CD48: variants seen among roughly 807,000 people sequenced by gnomAD.
CD48 encodes CD48 antigen.
A neutral mutation model predicts 22.0 loss-of-function variants in CD48; 20 were observed. That is an observed-to-expected ratio of 0.91 (90% CI 0.64 to 1.32). The LOEUF (loss-of-function observed/expected upper bound fraction) is 1.32. CD48 is among the 40% of genes most tolerant of loss of function. The pLI is 0.00. For synonymous variants in CD48, 110 were observed against 110.1 expected, an observed-to-expected ratio of 1.00 and a Z score of 0.01; for missense variants, 307 against 286.5, an observed-to-expected ratio of 1.07 and a Z score of -0.52.
intron 2 of CD48, among the ~76,000 whole-genome samples, chr1:160,682,457 C>CAAAAA (rs71579678): frequency 1.9e-5 from 1 of 53,274 alleles, no homozygotes. Flanking sequence ...AGAAGACCTT[C>CAAAAA]AAAAAAAAAA....
chr1:160,699,448 T>A (rs1027742504), intron 1 of CD48: 1 of 153,218 alleles, frequency 6.5e-6, no homozygotes, highest in African/African-American at 2.4e-5. Context: ...GACCTGACCA[T>A]CCCCCAGACC....
intron 1 of CD48, among the ~76,000 whole-genome samples, chr1:160,706,839 C>T (rs1662810179): frequency 6.6e-6 from 1 of 152,234 alleles, no homozygotes; most frequent in Non-Finnish European, 1.5e-5. Flanking sequence ...ATCCCAGGAC[C>T]ATAGAGTCTC....
intron 1 of CD48, among the ~76,000 whole-genome samples, chr1:160,688,613 A>T (rs1398691449): frequency 1.3e-5 from 2 of 152,224 alleles, no homozygotes; most frequent in East Asian, 3.8e-4. Context: ...AGAGTGGGAC[A>T]GTAGTGGGAA....
At position 160,684,659 on chromosome 1, in the gene CD48, C is replaced by G. The variant is rs1226136180; in HGVS notation, c.385+228G>C. 4.5e-6 allele frequency: 6 copies of G among 1,347,436 alleles called. No individual in the cohort carries two copies. The Admixed American group carries it at 1.7e-4, about 38-fold the overall frequency. The allele number at this position is 1,347,436 out of a possible 1,614,324, so 83.5% of individuals were successfully genotyped here. On this transcript the variant is annotated intron_variant, in intron 2 of 3. Transcript: ENST00000368046. ...GTTTTCCTTCTCTTCAAAGCTTAGACTCACTAACTTCAGAAGAGGTGTTAA... is the reference window on the plus strand; with the variant it reads ...GTTTTCCTTCTCTTCAAAGCTTAGAGTCACTAACTTCAGAAGAGGTGTTAA...
intron 1 of CD48, among the ~76,000 whole-genome samples, chr1:160,686,258 G>A (rs566199674): frequency 6.6e-6 from 1 of 152,170 alleles, no homozygotes; most frequent in South Asian, 2.1e-4. Flanking sequence ...GGGAGAATGG[G>A]ACTGATAGAC....
chr1:160,706,752 T>A (rs78819120), intron 1 of CD48, among the ~76,000 whole-genome samples: 7 of 152,140 alleles, frequency 4.6e-5, no homozygotes, highest in African/African-American at 1.7e-4. Context: ...CCAGATCCTG[T>A]CTGTGCCCGC....
chr1:160,697,595 T>C (rs1342438862), intron 1 of CD48, among the ~76,000 whole-genome samples: 1 of 149,862 alleles, frequency 6.7e-6, no homozygotes, highest in Non-Finnish European at 1.5e-5. Flanking sequence ...AAGCGGGATG[T>C]CACTCAGGCC....
intron 2 of CD48, 98 bp from the exon 3 acceptor site, chr1:160,681,566 A>C: frequency 6.9e-7 from 1 of 1,451,314 alleles, no homozygotes; most frequent in South Asian, 1.3e-5. Context: ...AAGGGGCCTG[A>C]ATGCCCCAGG....
intron 1 of CD48, among the ~76,000 whole-genome samples, chr1:160,687,203 C>T (rs548959710): frequency 5.3e-5 from 8 of 152,308 alleles, no homozygotes; most frequent in Non-Finnish European, 1.2e-4. Context: ...TCTGTTCTGC[C>T]TGGCTCACCG....
At chr1:160,692,805 AC>A (rs200966832) in intron 1 of CD48, among the ~76,000 whole-genome samples, 1 of 152,048 alleles carries the variant, frequency 6.6e-6, no homozygotes, top group Non-Finnish European at 1.5e-5. Flanking sequence ...GAGGCCAGAT[AC>A]AAGTCTTTTT....
In CD48 at chr1:160,704,722, C is replaced by CT. The variant is rs200680535; in HGVS notation, c.82+6959dup. 8.2e-3 allele frequency among the ~76,000 whole-genome samples: 1,242 copies of CT among 151,566 alleles called. 17 individuals are homozygous for CT. Among genetic ancestry groups the CT allele is most frequent in the African/African-American group, 0.028 (1,177 of 41,340 alleles). On this transcript the variant is annotated intron_variant, in intron 1 of 3. Transcript: ENST00000368046. The stretch of plus-strand genomic sequence containing the variant: ...AACCTGAACTAATTCCCTGGGATTT[C>CT]TTTTTTTTTATTCTAATTGAATTTA...
At chr1:160,704,538 G>A (rs1438412083) in intron 1 of CD48, among the ~76,000 whole-genome samples, 1 of 152,206 alleles carries the variant, frequency 6.6e-6, no homozygotes, top group Non-Finnish European at 1.5e-5. Context: ...TTGCAATCGG[G>A]CTGCAGGTGG....
chr1:160,700,343 G>A (rs1662588472), intron 1 of CD48, among the ~76,000 whole-genome samples: 1 of 152,148 alleles, frequency 6.6e-6, no homozygotes, highest in Non-Finnish European at 1.5e-5. Flanking sequence ...TGAACTTTGA[G>A]CCAATTTAAA....
chr1:160,703,693 G>T (rs544107474), intron 1 of CD48, among the ~76,000 whole-genome samples: 2 of 152,192 alleles, frequency 1.3e-5, no homozygotes, highest in African/African-American at 2.4e-5. Flanking sequence ...CTAGAATAAG[G>T]TAAGGGGAGT....
chr1:160,682,680 C>T (rs999621016), intron 2 of CD48, among the ~76,000 whole-genome samples: 2 of 152,114 alleles, frequency 1.3e-5, no homozygotes, highest in African/African-American at 4.8e-5. Context: ...GACTCTACCT[C>T]ATCGCGCAAT....
At chr1:160,692,907 A>C (rs918716368) in intron 1 of CD48, among the ~76,000 whole-genome samples, 1 of 152,168 alleles carries the variant, frequency 6.6e-6, no homozygotes, top group Non-Finnish European at 1.5e-5. Context: ...TCCATTGCTC[A>C]TGGACATAGA....
chr1:160,679,530 C>T (rs1190515571), intron 3 of CD48, among the ~76,000 whole-genome samples: 6 of 152,008 alleles, frequency 3.9e-5, no homozygotes, highest in Admixed American at 3.9e-4. Flanking sequence ...TTCTCTACCC[C>T]ACTAAGTATC....
intron 1 of CD48, among the ~76,000 whole-genome samples, chr1:160,705,904 T>A (rs550471753): frequency 6.6e-6 from 1 of 152,238 alleles, no homozygotes; most frequent in East Asian, 1.9e-4. Flanking sequence ...ATCCAGATAT[T>A]GCCAAATGTC....
At chr1:160,680,895 A>G (rs1271383324) in intron 3 of CD48, 19 of 1,407,778 alleles carry the variant, frequency 1.3e-5, no homozygotes, top group African/African-American at 4.3e-5. Context: ...AGTCTACTCT[A>G]TGATGACCCT....
Sources: allele counts gnomAD v4.1 joint callset (sites outside exome capture counted in the v4.1 genomes callset), GRCh38; gene constraint gnomAD v4.1.1; transcripts MANE v1.5; gene names NCBI Gene and HGNC (gene_info 2026-07-23, HGNC 2026-07-21).